ROBO2: variants seen among roughly 807,000 people sequenced by gnomAD.
ROBO2 encodes the protein roundabout guidance receptor 2, also known as roundabout homolog 2.
Under a neutral mutation model 160.8 loss-of-function variants are expected in ROBO2, and 53 were observed. That is an observed-to-expected ratio of 0.33 (90% CI 0.26 to 0.41). The LOEUF (loss-of-function observed/expected upper bound fraction) is 0.41, where lower values mean the gene tolerates loss of function less well. Among genes scored for constraint, ROBO2 ranks in the 10% least tolerant of loss-of-function variants. The pLI is 1.00. For missense variants in ROBO2, 1,577 were observed against 1,722.4 expected (o/e 0.92, Z 1.49); for synonymous variants, 664 against 611.7 (o/e 1.09, Z -1.26).
intron 20 of ROBO2, among the ~76,000 whole-genome samples, chr3:77,604,951 T>C (rs2094496921): frequency 6.6e-6 from 1 of 151,706 alleles, no homozygotes; most frequent in African/African-American, 2.4e-5. Flanking sequence ...AATCTAACCA[T>C]TAAAAATATA....
intron 2 of ROBO2, among the ~76,000 whole-genome samples, chr3:76,655,022 A>G (rs1470759142): frequency 2.0e-5 from 3 of 150,860 alleles, no homozygotes; most frequent in Non-Finnish European, 3.0e-5. Context: ...CCCATGCATG[A>G]GAATGTTGGT....
chr3:76,290,824 T>C (rs1276584670), intron 2 of ROBO2, among the ~76,000 whole-genome samples: 1 of 152,206 alleles, frequency 6.6e-6, no homozygotes, highest in African/African-American at 2.4e-5. Flanking sequence ...GCATCACATC[T>C]GTTGATTTGT....
intron 2 of ROBO2, among the ~76,000 whole-genome samples, chr3:76,109,217 A>G (rs2070099178): frequency 6.7e-6 from 1 of 149,970 alleles, no homozygotes; most frequent in African/African-American, 2.5e-5. Flanking sequence ...TTGTAATTAC[A>G]TTTTCCCAGA....
intron 2 of ROBO2, among the ~76,000 whole-genome samples, chr3:76,688,510 CTAAACAT>C (rs772593933): frequency 7.5e-4 from 113 of 150,246 alleles, no homozygotes; most frequent in Non-Finnish European, 1.3e-3. Flanking sequence ...TATTTAGTAA[CTAAACAT>C]TAAAGTATGA....
intron 2 of ROBO2, among the ~76,000 whole-genome samples, chr3:77,446,753 C>A (rs1299919224): frequency 2.6e-5 from 4 of 151,890 alleles, no homozygotes; most frequent in African/African-American, 4.8e-5. Context: ...AAAACTATTG[C>A]TCAATAAATT....
intron 2 of ROBO2, among the ~76,000 whole-genome samples, chr3:76,096,063 A>G (rs1213457114): frequency 6.6e-6 from 1 of 152,172 alleles, no homozygotes; most frequent in African/African-American, 2.4e-5. Flanking sequence ...CTAAGGAGAT[A>G]AAAAGAACCC....
At chr3:77,482,669 C>T (rs2084846386) in intron 4 of ROBO2, among the ~76,000 whole-genome samples, 1 of 152,298 alleles carries the variant, frequency 6.6e-6, no homozygotes, top group South Asian at 2.1e-4. Flanking sequence ...TTTGCCCCTA[C>T]ATTTCATGCA....
chr3:76,105,456 C>T (rs911920813), intron 2 of ROBO2, among the ~76,000 whole-genome samples: 7 of 152,100 alleles, frequency 4.6e-5, no homozygotes, highest in Non-Finnish European at 8.8e-5. Flanking sequence ...CAAGCATATC[C>T]ATGCTTTTAC....
intron 2 of ROBO2, among the ~76,000 whole-genome samples, chr3:76,755,408 A>G (rs2060912698): frequency 6.6e-6 from 1 of 151,878 alleles, no homozygotes; most frequent in Non-Finnish European, 1.5e-5. Flanking sequence ...TAGGGGAGTC[A>G]TGTCATAAAT....
intron 1 of ROBO2, 98 bp downstream of exon 1, chr3:77,040,944 A>G (rs201371721): frequency 6.0e-5 from 90 of 1,511,332 alleles, no homozygotes; most frequent in Middle Eastern, 5.1e-4. Flanking sequence ...AAATGAAATG[A>G]CATTATGTCT....
intron 2 of ROBO2, among the ~76,000 whole-genome samples, chr3:77,154,200 G>C (rs777713032): frequency 6.6e-6 from 1 of 151,954 alleles, no homozygotes; most frequent in Non-Finnish European, 1.5e-5. Flanking sequence ...AATACACATA[G>C]TTTAATGTAT....
chr3:76,622,191 A>AAAGGAAGGAAGG (rs1163132103), intron 2 of ROBO2, among the ~76,000 whole-genome samples: 37 of 65,918 alleles, frequency 5.6e-4, no homozygotes, highest in African/African-American at 7.4e-4. Context: ...TAAAAAAAAG[A>AAAGGAAGGAAGG]AAGGAAGGAA....
upstream of ROBO2, among the ~76,000 whole-genome samples, chr3:77,035,299 T>C (rs1272387477): frequency 3.9e-5 from 6 of 151,938 alleles, no homozygotes; most frequent in African/African-American, 1.2e-4. Flanking sequence ...TAAGTGACTT[T>C]TAAAATTCAA....
At chr3:77,421,888 T>C (rs977804928) in intron 2 of ROBO2, among the ~76,000 whole-genome samples, 1 of 152,196 alleles carries the variant, frequency 6.6e-6, no homozygotes, top group African/African-American at 2.4e-5. Flanking sequence ...AAACAAGATC[T>C]GCTGTCTAAA....
exon 8 of ROBO2, chr3:77,550,910 C>T (rs776288183): frequency 6.8e-6 from 11 of 1,612,882 alleles, no homozygotes; most frequent in Admixed American, 3.3e-5. Flanking sequence ...TTCAACGTTC[C>T]GACGCGGGTT....
intron 2 of ROBO2, among the ~76,000 whole-genome samples, chr3:76,586,678 A>G (rs1361268166): frequency 5.3e-5 from 8 of 152,224 alleles, no homozygotes; most frequent in Admixed American, 3.3e-4. Context: ...AGTAGCTACC[A>G]TATTGCACAA....
At chr3:76,436,002 T>C (rs929469344) in intron 2 of ROBO2, among the ~76,000 whole-genome samples, 5 of 152,084 alleles carry the variant, frequency 3.3e-5, no homozygotes, top group African/African-American at 1.2e-4. Context: ...CTCTATTCTA[T>C]CCTGGTTCTG....
chr3:76,418,231 T>TAG (rs747531494), intron 2 of ROBO2, among the ~76,000 whole-genome samples: 70 of 123,942 alleles, frequency 5.6e-4, no homozygotes, highest in East Asian at 5.1e-3. Flanking sequence ...GCCAAACAAA[T>TAG]AGAGAGAGAG....
chr3:75,952,618 G>A (rs1948588606), intron 2 of ROBO2, among the ~76,000 whole-genome samples: 1 of 151,900 alleles, frequency 6.6e-6, no homozygotes, highest in Non-Finnish European at 1.5e-5. Context: ...TAGTTGATGA[G>A]TCAATATTGG....
Sources: gnomAD v4.1 joint callset for allele counts (sites outside exome capture counted in the v4.1 genomes callset) on GRCh38, gnomAD v4.1.1 for gene constraint, MANE v1.5 for transcripts, NCBI Gene and HGNC (gene_info 2026-07-23, HGNC 2026-07-21) for gene names.